HSD17B12: variants seen among roughly 807,000 people sequenced by gnomAD.
HSD17B12 encodes the protein very-long-chain 3-oxoacyl-CoA reductase.
Under a neutral mutation model 39.3 loss-of-function variants are expected in HSD17B12, and 32 were observed. That is an observed-to-expected ratio of 0.81 (90% CI 0.61 to 1.09). HSD17B12 has a LOEUF of 1.09. HSD17B12 is among the 50% of genes least tolerant of loss of function. HSD17B12 has a pLI of 0.00. For synonymous variants in HSD17B12, 150 were observed against 146.7 expected (o/e 1.02, Z -0.16); for missense variants, 342 against 382.9 (o/e 0.89, Z 0.89).
intron 1 of HSD17B12, among the ~76,000 whole-genome samples, chr11:43,714,593 A>C (rs1447620230): frequency 6.6e-6 from 1 of 152,032 alleles, no homozygotes; most frequent in Non-Finnish European, 1.5e-5. Context: ...CTTAGGATTG[A>C]CTTGGTGATG....
At chr11:43,799,553 C>A (rs986648363) in intron 4 of HSD17B12, among the ~76,000 whole-genome samples, 2 of 152,040 alleles carry the variant, frequency 1.3e-5, no homozygotes, top group East Asian at 1.9e-4. Context: ...CTTTGAGAGT[C>A]GTTTCTAGAA....
the HSD17B12 span, among the ~76,000 whole-genome samples, chr11:43,604,122 C>CA: frequency 6.6e-6 from 1 of 151,998 alleles, no homozygotes; most frequent in Non-Finnish European, 1.5e-5. Context: ...TATTAATTCC[C>CA]AGATATATTT....
intron 9 of HSD17B12, among the ~76,000 whole-genome samples, chr11:43,845,717 A>T (rs1325883515): frequency 1.3e-5 from 2 of 152,096 alleles, no homozygotes; most frequent in Non-Finnish European, 2.9e-5. Flanking sequence ...TCTGCTCTTC[A>T]TTGGTGGCGA....
chr11:43,755,996 G>A (rs1950504665), intron 3 of HSD17B12, among the ~76,000 whole-genome samples: 1 of 152,184 alleles, frequency 6.6e-6, no homozygotes, highest in South Asian at 2.1e-4. Context: ...CCAAGTGAAA[G>A]AGGTTTCCCC....
intron 1 of HSD17B12, among the ~76,000 whole-genome samples, chr11:43,685,472 T>G (rs1347329918): frequency 6.6e-6 from 1 of 152,238 alleles, no homozygotes; most frequent in Non-Finnish European, 1.5e-5. Context: ...GAAATGTTAG[T>G]TATTTAAATT....
the HSD17B12 span, chr11:43,646,352 T>TA: frequency 6.6e-6 from 1 of 152,200 alleles, no homozygotes; most frequent in Non-Finnish European, 1.5e-5. Flanking sequence ...GACAATTGAA[T>TA]AAAAAAGATT....
At chr11:43,652,903 T>C in the HSD17B12 span, among the ~76,000 whole-genome samples, 1 of 151,992 alleles carries the variant, frequency 6.6e-6, no homozygotes, top group Non-Finnish European at 1.5e-5. Flanking sequence ...ACTAATAAGA[T>C]CATACTATTC....
the HSD17B12 span, among the ~76,000 whole-genome samples, chr11:43,619,245 A>AT: frequency 1.8e-4 from 13 of 70,720 alleles, no homozygotes; most frequent in South Asian, 1.7e-3. Flanking sequence ...ATATATATAA[A>AT]ATATATATAT....
At chr11:43,785,975 GA>G (rs1047565985) in intron 3 of HSD17B12, among the ~76,000 whole-genome samples, 1 of 152,158 alleles carries the variant, frequency 6.6e-6, no homozygotes, top group Non-Finnish European at 1.5e-5. Flanking sequence ...CTCTTAAGCT[GA>G]TGGGGGTGGA....
chr11:43,843,443 T>C (rs1951445748), intron 9 of HSD17B12, among the ~76,000 whole-genome samples: 1 of 152,208 alleles, frequency 6.6e-6, no homozygotes, highest in African/African-American at 2.4e-5. Context: ...ATAATGTTGC[T>C]TTCCTTCCTA....
chr11:43,645,442 A>G, the HSD17B12 span: 2 of 152,230 alleles, frequency 1.3e-5, no homozygotes, highest in African/African-American at 4.8e-5. Context: ...AAGTTTGGTA[A>G]GGTGGGAGAT....
chr11:43,753,458 G>A (rs769404990), intron 2 of HSD17B12, among the ~76,000 whole-genome samples: 42 of 147,578 alleles, frequency 2.8e-4, no homozygotes, highest in East Asian at 5.9e-4. Flanking sequence ...GTGCAATCAC[G>A]GCTCACTGCA....
At chr11:43,590,069 T>C in the HSD17B12 span, among the ~76,000 whole-genome samples, 2 of 152,292 alleles carry the variant, frequency 1.3e-5, no homozygotes, top group Admixed American at 6.5e-5. Flanking sequence ...GGTCTAAATA[T>C]AGTCCAGGAG....
At chr11:43,742,892 T>C (rs1410081456) in intron 1 of HSD17B12, among the ~76,000 whole-genome samples, 1 of 152,098 alleles carries the variant, frequency 6.6e-6, no homozygotes, top group Non-Finnish European at 1.5e-5. Context: ...TATGAGAAAA[T>C]GGAAAAATGA....
At chr11:43,576,334 A>G in the HSD17B12 span, among the ~76,000 whole-genome samples, 1 of 152,178 alleles carries the variant, frequency 6.6e-6, no homozygotes, top group Non-Finnish European at 1.5e-5. Context: ...TTTTGGAAGT[A>G]AGGTTCCAGC....
the HSD17B12 span, among the ~76,000 whole-genome samples, chr11:43,625,141 T>A: frequency 6.6e-6 from 1 of 151,716 alleles, no homozygotes; most frequent in African/African-American, 2.4e-5. Context: ...TTTTATGTTT[T>A]AAAAAAGCCT....
intron 1 of HSD17B12, among the ~76,000 whole-genome samples, chr11:43,722,122 A>G (rs1345704758): frequency 6.6e-6 from 1 of 152,216 alleles, no homozygotes; most frequent in Non-Finnish European, 1.5e-5. Flanking sequence ...GAGCAACTGA[A>G]TAAATGGGTG....
chr11:43,785,749 C>A (rs766783027), intron 3 of HSD17B12, among the ~76,000 whole-genome samples: 82 of 152,130 alleles, frequency 5.4e-4, no homozygotes, highest in Non-Finnish European at 1.1e-3. Flanking sequence ...GAAATTATAT[C>A]AATTTTTTAC....
At chr11:43,644,232 G>A in the HSD17B12 span, 3 of 152,318 alleles carry the variant, frequency 2.0e-5, no homozygotes, top group South Asian at 4.1e-4. Flanking sequence ...TGTCGTAAAA[G>A]CCTGCTTTCT....
Sources: gnomAD v4.1 joint callset for allele counts (sites outside exome capture counted in the v4.1 genomes callset) on GRCh38, gnomAD v4.1.1 for gene constraint, MANE v1.5 for transcripts, NCBI Gene and HGNC (gene_info 2026-07-23, HGNC 2026-07-21) for gene names.